Variants in KLF13 observed in about 807,000 individuals in gnomAD.
The protein encoded by KLF13 is Krueppel-like factor 13.
In KLF13, 8 loss-of-function variants were observed where a neutral mutation model predicts 16.7. That is an observed-to-expected ratio of 0.48 (90% CI 0.28 to 0.87). The LOEUF (loss-of-function observed/expected upper bound fraction) is 0.87, where lower values mean the gene tolerates loss of function less well. KLF13 is among the 40% of genes least tolerant of loss of function. The pLI is 0.10. For missense variants in KLF13, 447 were observed against 452.2 expected, an observed-to-expected ratio of 0.99 and a Z score of 0.10; for synonymous variants, 245 against 208.4, an observed-to-expected ratio of 1.18 and a Z score of -1.51.
chr15:31,414,845 A>C (rs907259314), intron 1 of KLF13, among the ~76,000 whole-genome samples: 1 of 152,108 alleles, frequency 6.6e-6, no homozygotes, highest in Non-Finnish European at 1.5e-5. Flanking sequence ...AACCAACTAC[A>C]CCTAACAGAC....
In KLF13 at chr15:31,327,665, C is replaced by A. The variant is rs780104994; in HGVS notation, c.453C>A (p.Val151=). The change falls in exon 1 of 2, where the codon GTC becomes GTA. Residue 151 remains valine (V), a synonymous_variant. Coordinates refer to ENST00000307145, the MANE Select transcript of KLF13 (RefSeq NM_015995.4). ...GCGAGCCCGGCCTCAGACAAAGGGT[C>A]CGGCGGGGCCGAAGTCGCGCCGACC... ...GSGEPGLRQR[V]RRGRSRADLE... 6.7e-7 allele frequency: 1 copy of A among 1,501,274 alleles called. No individual in the cohort carries two copies. Among genetic ancestry groups the A allele is most frequent in the South Asian group, 1.2e-5 (1 of 82,182 alleles). 93.0% of individuals were successfully genotyped at this position (1,501,274 alleles called of 1,614,324 possible). A position where few individuals can be genotyped will look rare whatever the true frequency, so the allele number is the denominator to read the frequency against.
intron 1 of KLF13, among the ~76,000 whole-genome samples, chr15:31,328,247 G>A (rs2038757205): frequency 6.6e-6 from 1 of 151,176 alleles, no homozygotes; most frequent in Admixed American, 6.6e-5. Flanking sequence ...CGCGCGCTCA[G>A]GAGGGGAGGG....
At chr15:31,329,868 C>T (rs923855512) in intron 1 of KLF13, among the ~76,000 whole-genome samples, 3 of 152,114 alleles carry the variant, frequency 2.0e-5, no homozygotes, top group Non-Finnish European at 2.9e-5. Context: ...AGCGGGGTGG[C>T]GGGGAGTTGG....
At chr15:31,388,598 T>A (rs1267131586), upstream of KLF13, among the ~76,000 whole-genome samples, 1 of 135,668 alleles carries the variant, frequency 7.4e-6, no homozygotes, top group Non-Finnish European at 1.5e-5. Flanking sequence ...AGAGCGAAAC[T>A]CTGTCTCAAA....
chr15:31,384,481 T>G lies in KLF13; in HGVS notation n.224-50889T>G, dbSNP rs368296855. On this transcript the variant is annotated intron_variant and non_coding_transcript_variant, in intron 1 of 1. Coordinates refer to the KLF13 transcript ENST00000558921. Reference sequence around the variant, plus strand: ...GAACCAACTCAAGCAATTGTTACCTTTAGGTAGAGGACAACAGATGACTTT... The same window carrying G: ...GAACCAACTCAAGCAATTGTTACCTGTAGGTAGAGGACAACAGATGACTTT... Among the ~76,000 whole-genome samples the G allele has an allele frequency of 3.9e-5, 6 of 152,300 alleles. No individual in the cohort carries two copies. The South Asian group carries it at 1.2e-3, about 32-fold the overall frequency.
At chr15:31,331,746 A>G (rs1256529771) in intron 1 of KLF13, among the ~76,000 whole-genome samples, 2 of 152,208 alleles carry the variant, frequency 1.3e-5, no homozygotes, top group East Asian at 1.9e-4. Context: ...GCAGAAATGT[A>G]TGCAGCATGG....
rs1345259270 is a variant in KLF13, at chr15:31,339,944, AT to A, written c.577+12156del. 2.0e-5 allele frequency: 14 copies of A among 702,170 alleles called. No homozygotes were observed. In the African/African-American group the frequency reaches 2.1e-4, roughly 11 times the overall value. 43.5% of individuals were successfully genotyped at this position (702,170 alleles called of 1,614,324 possible). A position where few individuals can be genotyped will look rare whatever the true frequency, so the allele number is the denominator to read the frequency against. On this transcript the variant is annotated intron_variant, in intron 1 of 1. Coordinates refer to ENST00000307145, the MANE Select transcript of KLF13 (RefSeq NM_015995.4). ...CTGGGCTTCCCTGCTCTGCCCACCCATGGATTATCTTGTAAAGAGTCACCTG... is the reference window on the plus strand; with the variant it reads ...CTGGGCTTCCCTGCTCTGCCCACCCAGGATTATCTTGTAAAGAGTCACCTG...
At chr15:31,411,760 C>G (rs776639441) in intron 1 of KLF13, among the ~76,000 whole-genome samples, 3 of 151,998 alleles carry the variant, frequency 2.0e-5, no homozygotes, top group Non-Finnish European at 4.4e-5. Flanking sequence ...ATAAAGAGTA[C>G]TTTACAGTAT....
chr15:31,361,596 G>A (rs1313219672), intron 1 of KLF13, among the ~76,000 whole-genome samples: 4 of 152,082 alleles, frequency 2.6e-5, no homozygotes, highest in Non-Finnish European at 5.9e-5. Flanking sequence ...GAAGGCTGGG[G>A]GAGGGGAGAC....
At chr15:31,336,205 G>C (rs146588306) in intron 1 of KLF13, among the ~76,000 whole-genome samples, 5 of 152,194 alleles carry the variant, frequency 3.3e-5, no homozygotes, top group African/African-American at 7.2e-5. Context: ...CTAATGCTTG[G>C]GGGGGCCACC....
intron 1 of KLF13, among the ~76,000 whole-genome samples, chr15:31,364,957 T>A (rs1450379804): frequency 6.6e-6 from 1 of 152,248 alleles, no homozygotes; most frequent in East Asian, 1.9e-4. Context: ...TGAGGCTGTA[T>A]GCCTGAGTTT....
intron 1 of KLF13, among the ~76,000 whole-genome samples, chr15:31,328,232 C>T (rs1382853130): frequency 6.6e-6 from 1 of 151,128 alleles, no homozygotes; most frequent in Non-Finnish European, 1.5e-5. Context: ...CCCCCGCTGC[C>T]CGGGCGCGCG....
At chr15:31,339,922 G>A in intron 1 of KLF13, 1 of 702,216 alleles carries the variant, frequency 1.4e-6, no homozygotes, top group Admixed American at 2.0e-5. Context: ...GATTTCACTG[G>A]GCTTCCCTGC....
At chr15:31,401,626 G>A (rs1490499260) in intron 2 of KLF13, among the ~76,000 whole-genome samples, 1 of 152,192 alleles carries the variant, frequency 6.6e-6, no homozygotes, top group East Asian at 1.9e-4. Flanking sequence ...CCTTCATGTG[G>A]GAATTTGATC....
intron 1 of KLF13, among the ~76,000 whole-genome samples, chr15:31,426,229 A>G (rs1338523664): frequency 6.6e-6 from 1 of 152,174 alleles, no homozygotes; most frequent in Non-Finnish European, 1.5e-5. Flanking sequence ...AACTGTTCCA[A>G]CCACTGCCTG....
downstream of KLF13, among the ~76,000 whole-genome samples, chr15:31,408,349 A>G (rs1227828158): frequency 1.3e-5 from 2 of 152,188 alleles, no homozygotes; most frequent in East Asian, 1.9e-4. Flanking sequence ...GGTATAGGTC[A>G]CTTCTCCCCT....
chr15:31,345,078 C>T (rs1042310593), intron 1 of KLF13, among the ~76,000 whole-genome samples: 1 of 152,188 alleles, frequency 6.6e-6, no homozygotes. Context: ...CTGGCCTCCC[C>T]GCCTTTGAGC....
At chr15:31,335,055 C>T (rs547637021) in intron 1 of KLF13, among the ~76,000 whole-genome samples, 5 of 152,350 alleles carry the variant, frequency 3.3e-5, no homozygotes, top group African/African-American at 1.2e-4. Context: ...GCCTCCATAG[C>T]CACGTACATG....
intron 1 of KLF13, among the ~76,000 whole-genome samples, chr15:31,337,333 G>A (rs568840872): frequency 6.6e-6 from 1 of 152,392 alleles, no homozygotes; most frequent in East Asian, 1.9e-4. Context: ...TGTGGCAGAA[G>A]GAGGCCTTGG....
Sources: allele counts gnomAD v4.1 joint callset (sites outside exome capture counted in the v4.1 genomes callset), GRCh38; gene constraint gnomAD v4.1.1; transcripts MANE v1.5; gene names NCBI Gene and HGNC (gene_info 2026-07-23, HGNC 2026-07-21).